The following ATP2B1 variants were observed in gnomAD, a reference collection of about 807,000 sequenced individuals.
ATP2B1 encodes the protein ATPase plasma membrane Ca2+ transporting 1.
In ATP2B1, 14 loss-of-function variants were observed where a neutral mutation model predicts 124.2. The ratio of observed to expected loss-of-function variants is 0.11; its 90% CI spans 0.07 to 0.18. The LOEUF (loss-of-function observed/expected upper bound fraction) is 0.18. Among genes scored for constraint, ATP2B1 ranks in the 10% least tolerant of loss-of-function variants. ATP2B1 has a pLI of 1.00. For synonymous variants in ATP2B1, 449 were observed against 492.4 expected (o/e 0.91, Z 1.17); for missense variants, 763 against 1,466.1 (o/e 0.52, Z 7.83).
intron 15 of ATP2B1, among the ~76,000 whole-genome samples, chr12:89,609,571 AAG>A (rs1450969229): frequency 2.6e-5 from 4 of 152,160 alleles, no homozygotes; most frequent in Non-Finnish European, 5.9e-5. Flanking sequence ...AGATGAATGG[AAG>A]AGTTTCAATT....
chr12:89,687,119 T>C (rs1565915807), intron 1 of ATP2B1, among the ~76,000 whole-genome samples: 1 of 152,108 alleles, frequency 6.6e-6, no homozygotes, highest in South Asian at 2.1e-4. Flanking sequence ...ATGTTAGGTA[T>C]TATAAGCAAT....
rs71307587 is a variant in ATP2B1 at position 89,664,851 on chromosome 12, CT to C, written c.-221-8745del. ...ACTTATGGTTCTTTATTATGCTATT[CT>C]TTTTTTTTTTTTTTGAGACAGTGTC... On this transcript the variant is annotated intron_variant, in intron 1 of 20. Coordinates refer to ENST00000428670, the MANE Select transcript of ATP2B1 (RefSeq NM_001366521.1). 3.5e-3 allele frequency among the ~76,000 whole-genome samples: 505 copies of C among 142,588 alleles called. 1 individual carries two copies. Among genetic ancestry groups the C allele is most frequent in the African/African-American group, 4.8e-3 (188 of 39,044 alleles). 93.5% of individuals were successfully genotyped at this position (142,588 alleles called of 152,430 possible).
intron 1 of ATP2B1, among the ~76,000 whole-genome samples, chr12:89,708,242 C>T (rs1892751163): frequency 1.3e-5 from 2 of 152,056 alleles, no homozygotes; most frequent in African/African-American, 4.8e-5. Context: ...CGACCGGTGG[C>T]GGGATGGGCT....
intron 2 of ATP2B1, among the ~76,000 whole-genome samples, chr12:89,654,626 G>A (rs1462120082): frequency 6.6e-6 from 1 of 151,960 alleles, no homozygotes; most frequent in Non-Finnish European, 1.5e-5. Context: ...AATTCACAAT[G>A]AATTACATAG....
At chr12:89,659,753 T>G (rs1243944084) in intron 1 of ATP2B1, among the ~76,000 whole-genome samples, 2 of 151,488 alleles carry the variant, frequency 1.3e-5, no homozygotes, top group Admixed American at 1.3e-4. Context: ...AAACCCCGTC[T>G]CTACTAAAAA....
intron 1 of ATP2B1, among the ~76,000 whole-genome samples, chr12:89,702,508 G>T (rs1891974119): frequency 6.6e-6 from 1 of 152,044 alleles, no homozygotes; most frequent in African/African-American, 2.4e-5. Context: ...TCACTCACAG[G>T]GTTAATACAA....
chr12:89,649,739 C>T (rs1884997931), intron 2 of ATP2B1, among the ~76,000 whole-genome samples: 2 of 152,048 alleles, frequency 1.3e-5, no homozygotes, highest in South Asian at 4.2e-4. Flanking sequence ...ATGTCTGTTC[C>T]CTCCAAATTT....
intron 1 of ATP2B1, among the ~76,000 whole-genome samples, chr12:89,666,928 A>G (rs777450330): frequency 7.2e-5 from 11 of 152,048 alleles, no homozygotes; most frequent in Non-Finnish European, 1.3e-4. Context: ...ATTCAGATAC[A>G]TTCTACTACA....
At position 89,603,938 on chromosome 12, in the gene ATP2B1, T is replaced by G; in HGVS notation, c.2635-13A>C. 6.2e-7 allele frequency: 1 copy of G among 1,611,438 alleles called. No individual in the cohort carries two copies. The highest frequency in any genetic ancestry group is 1.1e-5 in the South Asian group (1 of 90,932). On this transcript the variant is annotated splice_polypyrimidine_tract_variant and intron_variant, in intron 16 of 20. Transcript: ENST00000428670. This position sits in a 1 kb window ranked among gnomAD's most constrained non-coding sequence, Gnocchi z 4.3. ...TAAGCGGTGAGTCCTAGAAAAGATA[T>G]GTTTCCTAATAGACATTCACAACTA...
At position 89,677,971 on chromosome 12, in the gene ATP2B1, T is replaced by TACACACACAC. The variant is rs869199593; in HGVS notation, c.-221-21874_-221-21865dup. On this transcript the variant is annotated intron_variant, in intron 1 of 20. Transcript: ENST00000428670. ...TGCAGGAATTATATATATATATATA[T>TACACACACAC]ACACACACACACACACACACACACA... Among the ~76,000 whole-genome samples the TACACACACAC allele has an allele frequency of 3.3e-3, 173 of 52,240 alleles. 3 individuals are homozygous for TACACACACAC. Among genetic ancestry groups the TACACACACAC allele is most frequent in the African/African-American group, 4.1e-3 (58 of 14,288 alleles). 34.3% of individuals were successfully genotyped at this position (52,240 alleles called of 152,430 possible).
chr12:89,697,670 CTTTTTT>C lies in ATP2B1; in HGVS notation c.-222+10920_-222+10925del, dbSNP rs56837729. ...TGTTTAGGAAAACAAATCCAAAAGG[CTTTTTT>C]TTTTTTTTTTTTTTAAATATTAGCA... On this transcript the variant is annotated intron_variant, in intron 1 of 20. Transcript: ENST00000428670. Among the ~76,000 whole-genome samples the C allele has an allele frequency of 5.3e-5, 7 of 131,306 alleles. No individual in the cohort carries two copies. The East Asian group carries it at 8.8e-4, about 17-fold the overall frequency. The allele number at this position is 131,306 out of a possible 152,430, so 86.1% of individuals were successfully genotyped here. A position where few individuals can be genotyped will look rare whatever the true frequency, so the allele number is the denominator to read the frequency against.
chr12:89,640,904 G>A (rs138197531), intron 3 of ATP2B1, among the ~76,000 whole-genome samples: 1,883 of 152,234 alleles, frequency 0.012, 40 homozygotes, highest in African/African-American at 0.043. Flanking sequence ...CTGGCACCAC[G>A]TTTCCTGTAC....
chr12:89,618,354 T>C (rs1879367460), intron 11 of ATP2B1, among the ~76,000 whole-genome samples: 1 of 152,154 alleles, frequency 6.6e-6, no homozygotes, highest in South Asian at 2.1e-4. Flanking sequence ...TGCCACAGAG[T>C]TGGTGGTCAT....
Position 89,617,054 on chromosome 12 carries a change from T to G in ATP2B1, c.1830-15A>C. ...TTTTGAAACACCTAAAAGGAAATGTTGAATCCAAACATCAATAATTTAAAA... is the reference window on the plus strand; with the variant it reads ...TTTTGAAACACCTAAAAGGAAATGTGGAATCCAAACATCAATAATTTAAAA... On this transcript the variant is annotated splice_polypyrimidine_tract_variant and intron_variant, in intron 11 of 20. Coordinates refer to ENST00000428670, the MANE Select transcript of ATP2B1 (RefSeq NM_001366521.1). 1 of 1,588,364 alleles carries G rather than the reference T, an allele frequency of 6.3e-7. No homozygotes were observed. Among genetic ancestry groups the G allele is most frequent in the Non-Finnish European group, 8.6e-7 (1 of 1,156,858 alleles).
intron 5 of ATP2B1, 58 bp from the exon 6 acceptor site, chr12:89,630,703 C>A (rs1881707902): frequency 3.9e-6 from 5 of 1,291,894 alleles, no homozygotes; most frequent in Non-Finnish European, 5.1e-6. Context: ...TTGCTACCAC[C>A]AAATTTCAAA....
At chr12:89,619,203 T>C (rs1879522014) in intron 11 of ATP2B1, among the ~76,000 whole-genome samples, 1 of 152,184 alleles carries the variant, frequency 6.6e-6, no homozygotes, top group Admixed American at 6.5e-5. Flanking sequence ...ATAAATCTCA[T>C]TTTGATATAA....
Position 89,642,191 on chromosome 12 carries a change from A to G in ATP2B1, c.373T>C (p.Ser125Pro), listed in dbSNP as rs963487659. 6.2e-7 allele frequency: 1 copy of G among 1,613,590 alleles called. No homozygotes were observed. Among genetic ancestry groups the G allele is most frequent in the Non-Finnish European group, 8.5e-7 (1 of 1,179,768 alleles). Residue 125 changes from serine (S) to proline (P), a missense_variant, in exon 3 of 21, where the codon TCT becomes CCT. Coordinates refer to ENST00000428670, the MANE Select transcript of ATP2B1 (RefSeq NM_001366521.1). Reference protein sequence around the residue: ...EIAAIVSLGLSFYQPPEGDNA... With the variant: ...EIAAIVSLGLPFYQPPEGDNA... ...TCCCCTTCTGGAGGCTGATAAAAAG[A>G]AAGGCCCAATGATACTATGGCTGCA...
chr12:89,704,656 C>G (rs2136901201), intron 1 of ATP2B1, among the ~76,000 whole-genome samples: 1 of 152,180 alleles, frequency 6.6e-6, no homozygotes, highest in South Asian at 2.1e-4. Context: ...AATTGTCTGC[C>G]TTACTCACCA....
At chr12:89,595,464 G>C (rs1386931694) in intron 20 of ATP2B1, among the ~76,000 whole-genome samples, 1 of 151,884 alleles carries the variant, frequency 6.6e-6, no homozygotes, top group Non-Finnish European at 1.5e-5. Flanking sequence ...GTGAAGATCT[G>C]ACTAATAAAT....
Sources: gnomAD v4.1 joint callset for allele counts (sites outside exome capture counted in the v4.1 genomes callset) on GRCh38, gnomAD v4.1.1 for gene constraint, Gnocchi (gnomAD v3.1) non-coding constraint, MANE v1.5 for transcripts, NCBI Gene and HGNC (gene_info 2026-07-23, HGNC 2026-07-21) for gene names.